Variants in EPYC observed in about 807,000 individuals in gnomAD.
EPYC encodes the protein dermatan sulfate proteoglycan 3.
EPYC carries 28 observed loss-of-function variants against 30.1 expected under a neutral mutation model. That is an observed-to-expected ratio of 0.93 (90% CI 0.69 to 1.28). The LOEUF (loss-of-function observed/expected upper bound fraction) is 1.28, where lower values mean the gene tolerates loss of function less well. EPYC is among the 50% of genes most tolerant of loss of function. EPYC has a pLI of 0.00. For synonymous variants in EPYC, 144 were observed against 141.4 expected, an observed-to-expected ratio of 1.02 and a Z score of -0.13; for missense variants, 382 against 383.5, an observed-to-expected ratio of 1.00 and a Z score of 0.03.
chr12:90,977,979 A>G, intron 3 of EPYC, 109 bp downstream of exon 3: 3 of 991,130 alleles, frequency 3.0e-6, no homozygotes, highest in Non-Finnish European at 1.4e-6. Context: ...GCCTATTCCA[A>G]AACTTTTTTC....
chr12:90,988,277 G>A (rs1172729841), intron 2 of EPYC, among the ~76,000 whole-genome samples: 1 of 152,120 alleles, frequency 6.6e-6, no homozygotes, highest in Non-Finnish European at 1.5e-5. Flanking sequence ...TTCTTCTGAA[G>A]CCATTAGGAG....
rs375306815 is a variant in EPYC at position 90,974,235 on chromosome 12, A to G, written c.341-1255T>C. ...GGGAGAGAGTTTTAAGGGAAAGGAA[A>G]TAATCAACAACCTAAGCCTCCTGAG... On this transcript the variant is annotated intron_variant, in intron 3 of 6. Transcript: ENST00000261172. Among the ~76,000 whole-genome samples the G allele has an allele frequency of 3.4e-5, 5 of 148,340 alleles. No individual in the cohort carries two copies. In the East Asian group the frequency reaches 1.0e-3, roughly 30 times the overall value.
At chr12:91,003,353 A>C (rs1054340244) in intron 1 of EPYC, among the ~76,000 whole-genome samples, 1 of 152,072 alleles carries the variant, frequency 6.6e-6, no homozygotes, top group Admixed American at 6.6e-5. Context: ...CTTAATAGCT[A>C]TCTAAGATTT....
intron 6 of EPYC, among the ~76,000 whole-genome samples, chr12:90,965,207 A>G (rs1876865190): frequency 6.6e-6 from 1 of 152,144 alleles, no homozygotes. Flanking sequence ...TTTGTTGTCC[A>G]ATACTATTTC....
chr12:90,966,051 A>G (rs1469527660), intron 6 of EPYC, among the ~76,000 whole-genome samples: 5 of 152,018 alleles, frequency 3.3e-5, no homozygotes. Flanking sequence ...TATTTTTTAT[A>G]TGCAAGATTA....
intron 2 of EPYC, among the ~76,000 whole-genome samples, chr12:90,997,289 T>G (rs1342465866): frequency 6.6e-6 from 1 of 152,070 alleles, no homozygotes; most frequent in Admixed American, 6.6e-5. Context: ...TATATAAGGC[T>G]ACGTTAATTA....
chr12:90,980,807 TTGAC>T (rs1199483698), intron 2 of EPYC, among the ~76,000 whole-genome samples: 1 of 152,216 alleles, frequency 6.6e-6, no homozygotes, highest in African/African-American at 2.4e-5. Context: ...TCTTTTTTAT[TTGAC>T]TGCTTGTTTT....
At chr12:90,979,738 C>T (rs1237469454) in intron 2 of EPYC, among the ~76,000 whole-genome samples, 3 of 152,050 alleles carry the variant, frequency 2.0e-5, no homozygotes, top group Non-Finnish European at 4.4e-5. Context: ...TAAAGTATGT[C>T]ATGTCTTTTA....
Position 90,964,140 on chromosome 12 carries a change from T to A in EPYC, c.*16A>T. On this transcript the variant is annotated 3_prime_UTR_variant, in exon 7 of 7. Transcript: ENST00000261172. ...TTATTTATAGTAGCCATCGTAATGC[T>A]AACCATTATCTGAAATTAGACAAGG... 1 of 1,604,338 alleles carries A rather than the reference T, an allele frequency of 6.2e-7. No individual in the cohort carries two copies. Among genetic ancestry groups the A allele is most frequent in the South Asian group, 1.1e-5 (1 of 89,602 alleles).
chr12:90,995,639 C>G (rs1338497358), intron 2 of EPYC, among the ~76,000 whole-genome samples: 1 of 151,652 alleles, frequency 6.6e-6, no homozygotes, highest in Non-Finnish European at 1.5e-5. Flanking sequence ...TTTGAGTTAT[C>G]TTATGTTTGT....
intron 5 of EPYC, among the ~76,000 whole-genome samples, 200 bp downstream of exon 5, chr12:90,971,600 G>C (rs559417269): frequency 3.9e-4 from 59 of 151,832 alleles, no homozygotes; most frequent in Non-Finnish European, 7.2e-4. Context: ...TGAGCCCAGG[G>C]AGGTCGAAGC....
chr12:90,995,304 C>T (rs575226499), intron 2 of EPYC, among the ~76,000 whole-genome samples: 1 of 152,204 alleles, frequency 6.6e-6, no homozygotes, highest in African/African-American at 2.4e-5. Context: ...CCTTTAAACA[C>T]TTTGACAGCT....
chr12:90,980,582 G>A (rs576844587), intron 2 of EPYC, among the ~76,000 whole-genome samples: 2 of 152,214 alleles, frequency 1.3e-5, no homozygotes, highest in South Asian at 4.1e-4. Context: ...ATGCACACAT[G>A]CACAAAAAAT....
intron 2 of EPYC, among the ~76,000 whole-genome samples, chr12:90,997,818 T>A (rs1054623119): frequency 6.6e-6 from 1 of 152,106 alleles, no homozygotes. Flanking sequence ...TACCTCTAGT[T>A]CACATTATCT....
chr12:90,984,471 C>T (rs1315310897), intron 2 of EPYC, among the ~76,000 whole-genome samples: 1 of 152,050 alleles, frequency 6.6e-6, no homozygotes, highest in Non-Finnish European at 1.5e-5. Flanking sequence ...AGATGTGGCT[C>T]ATTTTTTTTC....
chr12:90,967,129 A>G (rs1876917908), intron 6 of EPYC, among the ~76,000 whole-genome samples: 2 of 151,770 alleles, frequency 1.3e-5, no homozygotes, highest in Admixed American at 6.6e-5. Context: ...AATTTTTATT[A>G]TTTCTATTCT....
At position 90,964,061 on chromosome 12, in the gene EPYC, C is replaced by A; in HGVS notation, c.*95G>T. ...TGTAGTCATATCATCTCTCAGAACACAATCTCAAAGTATCATGCTGAGTTT... is the reference window on the plus strand; with the variant it reads ...TGTAGTCATATCATCTCTCAGAACAAAATCTCAAAGTATCATGCTGAGTTT... On this transcript the variant is annotated 3_prime_UTR_variant, in exon 7 of 7. Transcript: ENST00000261172. The A allele has an allele frequency of 1.0e-6, 1 of 977,074 alleles. No individual in the cohort carries two copies. Among genetic ancestry groups the A allele is most frequent in the Non-Finnish European group, 1.5e-6 (1 of 661,604 alleles). 60.5% of individuals were successfully genotyped at this position (977,074 alleles called of 1,614,324 possible).
intron 2 of EPYC, among the ~76,000 whole-genome samples, chr12:90,984,461 A>T (rs1383126619): frequency 6.6e-6 from 1 of 152,146 alleles, no homozygotes; most frequent in African/African-American, 2.4e-5. Flanking sequence ...ACTCTGAAAA[A>T]GATGTGGCTC....
At chr12:90,975,697 T>C (rs189780306) in intron 3 of EPYC, among the ~76,000 whole-genome samples, 1 of 152,214 alleles carries the variant, frequency 6.6e-6, no homozygotes, top group African/African-American at 2.4e-5. Context: ...TGATACAAGA[T>C]TGGTCAACTT....
Sources: allele counts gnomAD v4.1 joint callset (sites outside exome capture counted in the v4.1 genomes callset), GRCh38; gene constraint gnomAD v4.1.1; transcripts MANE v1.5; gene names NCBI Gene and HGNC (gene_info 2026-07-23, HGNC 2026-07-21).